EYS: variants seen among roughly 807,000 people sequenced by gnomAD.
EYS encodes protein eyes shut homolog.
In EYS, 250 loss-of-function variants were observed where a neutral mutation model predicts 282.1. That is an observed-to-expected ratio of 0.89 (90% CI 0.80 to 0.98). The LOEUF is 0.98. Ranked by LOEUF, EYS falls within the 50% of genes least tolerant of loss-of-function variation. EYS has a pLI of 0.00. For missense variants in EYS, 4,016 were observed against 3,709.0 expected, an observed-to-expected ratio of 1.08 and a Z score of -2.15; for synonymous variants, 1,355 against 1,282.9, an observed-to-expected ratio of 1.06 and a Z score of -1.20.
intron 2 of EYS, among the ~76,000 whole-genome samples, chr6:65,538,836 C>T (rs949829534): frequency 2.0e-5 from 3 of 152,094 alleles, no homozygotes; most frequent in African/African-American, 7.2e-5. Context: ...CTGACCTCAC[C>T]CCCCTGCCTT....
At position 64,060,353 on chromosome 6, in the gene EYS, CCATCTGGT is replaced by C. The variant is rs143152695; in HGVS notation, c.6725+5977_6725+5984del. Among the ~76,000 whole-genome samples, 838 of 152,084 alleles carry C rather than the reference CCATCTGGT, an allele frequency of 5.5e-3. 10 individuals carry two copies. The highest frequency in any genetic ancestry group is 0.019 in the African/African-American group (805 of 41,490). ...CTCCATATTGAGTTATAGGTCAATA[CCATCTGGT>C]CAAGCAAGCTGCAATGCAGAGGATA... On this transcript the variant is annotated intron_variant, in intron 33 of 42. Transcript: ENST00000503581.
chr6:64,571,365 G>T (rs968869406), intron 26 of EYS, among the ~76,000 whole-genome samples: 1 of 152,058 alleles, frequency 6.6e-6, no homozygotes, highest in Non-Finnish European at 1.5e-5. Context: ...ACAATTAAAA[G>T]AACTAGAAAG....
intron 12 of EYS, among the ~76,000 whole-genome samples, chr6:65,272,952 T>A (rs1767944314): frequency 6.6e-6 from 1 of 152,222 alleles, no homozygotes; most frequent in Non-Finnish European, 1.5e-5. Flanking sequence ...TTAGTCACAG[T>A]GCTCTTGCAT....
intron 35 of EYS, among the ~76,000 whole-genome samples, chr6:63,910,281 T>C (rs963833638): frequency 6.6e-6 from 1 of 151,944 alleles, no homozygotes; most frequent in African/African-American, 2.4e-5. Flanking sequence ...ATGTCAGTGG[T>C]GGTGTTGAAA....
intron 35 of EYS, among the ~76,000 whole-genome samples, chr6:63,907,849 T>C (rs1354214674): frequency 6.6e-5 from 10 of 151,994 alleles, no homozygotes; most frequent in Admixed American, 6.6e-4. Flanking sequence ...AGCTCCCACT[T>C]ATAAGTGAGA....
intron 41 of EYS, among the ~76,000 whole-genome samples, chr6:63,738,300 T>G (rs1426183366): frequency 3.9e-5 from 6 of 152,052 alleles, no homozygotes; most frequent in Admixed American, 6.5e-5. Context: ...ATGTTTATTG[T>G]GACACTATTC....
Position 64,155,344 on chromosome 6 carries a change from ATT to A in EYS, c.6425-73344_6425-73343del, listed in dbSNP as rs5876880. The stretch of plus-strand genomic sequence containing the variant: ...AACCAGCACAGCATAGCAGCACATA[ATT>A]TTTTTTTTTTTTTGGTAAAATATGC... On this transcript the variant is annotated intron_variant, in intron 31 of 42. Transcript: ENST00000503581. Among the ~76,000 whole-genome samples the A allele has an allele frequency of 3.3e-3, 488 of 146,580 alleles. 3 individuals are homozygous for A. Among genetic ancestry groups the A allele is most frequent in the African/African-American group, 0.01 (415 of 40,132 alleles).
intron 33 of EYS, among the ~76,000 whole-genome samples, chr6:64,038,102 G>A (rs1343058547): frequency 6.6e-6 from 1 of 151,856 alleles, no homozygotes. Flanking sequence ...TAAAAATAAA[G>A]AATAGAATGG....
rs564655815 is a variant in EYS, at chr6:65,570,428, T to C, written c.-333+69350A>G. On this transcript the variant is annotated intron_variant, in intron 2 of 42. Transcript: ENST00000503581. ...TCAGCAAGTCATTTTGAAGTTATTA[T>C]GCTGTGATTAACTGCTGTGCCATTT... 3.2e-4 allele frequency among the ~76,000 whole-genome samples: 49 copies of C among 152,338 alleles called. 1 individual carries two copies. In the South Asian group the frequency reaches 9.9e-3, roughly 31 times the overall value.
At position 64,236,215 on chromosome 6, in the gene EYS, C is replaced by T. The variant is rs1450402474; in HGVS notation, c.6192-5391G>A. 3.3e-5 allele frequency among the ~76,000 whole-genome samples: 5 copies of T among 152,186 alleles called. No individual in the cohort carries two copies. In the East Asian group the frequency reaches 7.7e-4, roughly 23 times the overall value. ...GTCTCTATCTCCTGACCTTGTGCTC[C>T]ATCCGCCTTGGCCTCCCAAAGGGCT... On this transcript the variant is annotated intron_variant, in intron 30 of 42. Transcript: ENST00000503581.
At chr6:64,068,486 C>T (rs1582223662) in intron 32 of EYS, among the ~76,000 whole-genome samples, 1 of 112,900 alleles carries the variant, frequency 8.9e-6, no homozygotes, top group Non-Finnish European at 1.7e-5. Context: ...ATGATTAGTC[C>T]TTTCATGTCA....
intron 2 of EYS, among the ~76,000 whole-genome samples, chr6:65,564,293 C>G (rs368390064): frequency 6.6e-6 from 1 of 151,898 alleles, no homozygotes; most frequent in Non-Finnish European, 1.5e-5. Context: ...CATATGGAAC[C>G]AAAAAAGAGC....
intron 12 of EYS, among the ~76,000 whole-genome samples, chr6:65,284,322 T>C (rs1768301403): frequency 6.6e-6 from 1 of 152,160 alleles, no homozygotes; most frequent in East Asian, 1.9e-4. Flanking sequence ...ATTTTGTTTT[T>C]AATAATACAT....
chr6:65,431,726 T>G (rs1045909502), intron 5 of EYS, among the ~76,000 whole-genome samples: 1 of 152,142 alleles, frequency 6.6e-6, no homozygotes, highest in African/African-American at 2.4e-5. Context: ...TATCTCTAAA[T>G]TTCCGTAATT....
Position 64,997,515 on chromosome 6 carries a change from A to G in EYS, c.2259+67T>C, listed in dbSNP as rs939701250. On this transcript the variant is annotated intron_variant, in intron 14 of 42. Transcript: ENST00000503581. ...TAACACACAGGCAAAAACTCACTCTATTTGTACATAGGTGTTAAATTATAT... is the reference window on the plus strand; with the variant it reads ...TAACACACAGGCAAAAACTCACTCTGTTTGTACATAGGTGTTAAATTATAT... 4 of 1,435,646 alleles carry G rather than the reference A, an allele frequency of 2.8e-6. No homozygotes were observed. The Admixed American group carries it at 6.1e-5, about 22-fold the overall frequency. The allele number at this position is 1,435,646 out of a possible 1,614,324, so 88.9% of individuals were successfully genotyped here.
chr6:65,146,971 C>A (rs941533121), intron 12 of EYS, among the ~76,000 whole-genome samples: 1 of 151,806 alleles, frequency 6.6e-6, no homozygotes, highest in East Asian at 1.9e-4. Flanking sequence ...GTCATTGTGT[C>A]CTGTAAGCTT....
chr6:64,267,329 T>C (rs1022262039), intron 30 of EYS, among the ~76,000 whole-genome samples: 3 of 152,090 alleles, frequency 2.0e-5, no homozygotes, highest in Non-Finnish European at 2.9e-5. Context: ...AGTCCTGACA[T>C]GGGCTCTGTG....
At chr6:64,499,281 T>A (rs1015303943) in intron 26 of EYS, among the ~76,000 whole-genome samples, 3 of 152,154 alleles carry the variant, frequency 2.0e-5, no homozygotes, top group African/African-American at 4.8e-5. Flanking sequence ...CCAAATCTGC[T>A]CTCCAAACAC....
intron 30 of EYS, among the ~76,000 whole-genome samples, chr6:64,286,681 A>G (rs1342513975): frequency 6.6e-6 from 1 of 152,192 alleles, no homozygotes; most frequent in Non-Finnish European, 1.5e-5. Context: ...TTCCTTTAAC[A>G]TGCTCTATGA....
Sources: gnomAD v4.1 joint callset for allele counts (sites outside exome capture counted in the v4.1 genomes callset) on GRCh38, gnomAD v4.1.1 for gene constraint, MANE v1.5 for transcripts, NCBI Gene and HGNC (gene_info 2026-07-23, HGNC 2026-07-21) for gene names.